Variants in NFIA observed in about 807,000 individuals in gnomAD.
NFIA encodes nuclear factor I A, also known as nuclear factor 1 A-type.
NFIA carries 8 observed loss-of-function variants against 62.8 expected under a neutral mutation model. The ratio of observed to expected loss-of-function variants is 0.13; its 90% CI spans 0.07 to 0.23. The LOEUF (loss-of-function observed/expected upper bound fraction) is 0.23. Among genes scored for constraint, NFIA ranks in the 10% least tolerant of loss-of-function variants. NFIA has a pLI of 1.00. For synonymous variants in NFIA, 235 were observed against 238.1 expected (o/e 0.99, Z 0.12); for missense variants, 410 against 642.1 (o/e 0.64, Z 3.91).
At chr1:61,366,188 CA>C (rs1183930799) in intron 6 of NFIA, among the ~76,000 whole-genome samples, 2 of 152,120 alleles carry the variant, frequency 1.3e-5, no homozygotes, top group Non-Finnish European at 2.9e-5. Flanking sequence ...CGATTTATAC[CA>C]GGGGTCCAGT....
At chr1:61,305,964 C>T (rs1217115903) in intron 3 of NFIA, among the ~76,000 whole-genome samples, 1 of 151,308 alleles carries the variant, frequency 6.6e-6, no homozygotes, top group Non-Finnish European at 1.5e-5. Flanking sequence ...TCTCCTGCAT[C>T]AGCCTCCCGA....
At chr1:61,200,019 T>C (rs1652325477) in intron 2 of NFIA, among the ~76,000 whole-genome samples, 1 of 9,066 alleles carries the variant, frequency 1.1e-4, no homozygotes, top group Non-Finnish European at 1.9e-4. Context: ...TGTATATATA[T>C]ATATATATAT....
chr1:61,358,812 T>G (rs1047964538), intron 5 of NFIA, among the ~76,000 whole-genome samples: 1 of 141,400 alleles, frequency 7.1e-6, no homozygotes, highest in East Asian at 2.2e-4. Flanking sequence ...CCTGTGGAGA[T>G]AGGAAATATG....
At chr1:61,104,506 GTTTAATTGGAGACC>G in intron 2 of NFIA, among the ~76,000 whole-genome samples, 1 of 152,042 alleles carries the variant, frequency 6.6e-6, no homozygotes, top group African/African-American at 2.4e-5. Context: ...AATCTTCTTT[GTTTAATTGGAGACC>G]TATTGATTGT....
intron 2 of NFIA, among the ~76,000 whole-genome samples, chr1:61,191,006 GATAA>G (rs903550085): frequency 2.7e-5 from 4 of 150,384 alleles, no homozygotes; most frequent in African/African-American, 7.3e-5. Flanking sequence ...ATAAATTAAA[GATAA>G]ATAAAGAAAC....
At chr1:61,152,917 C>T (rs866308419) in intron 2 of NFIA, among the ~76,000 whole-genome samples, 4 of 152,290 alleles carry the variant, frequency 2.6e-5, no homozygotes, top group African/African-American at 9.6e-5. Flanking sequence ...ATTTGTCTTT[C>T]TGGCCCTGGT....
At chr1:61,277,627 A>G (rs1221566110) in intron 3 of NFIA, 42 bp downstream of exon 3, 1 of 1,600,972 alleles carries the variant, frequency 6.2e-7, no homozygotes, top group South Asian at 1.1e-5. Context: ...TTCAGAGTCC[A>G]CAGCAGCCAG....
intron 9 of NFIA, among the ~76,000 whole-genome samples, chr1:61,410,329 C>G (rs1469676653): frequency 6.6e-6 from 1 of 152,122 alleles, no homozygotes; most frequent in Non-Finnish European, 1.5e-5. Flanking sequence ...TGGATTACCA[C>G]TAGATAAAAA....
At chr1:61,225,153 CAAA>C (rs575425464) in intron 2 of NFIA, among the ~76,000 whole-genome samples, 2 of 138,992 alleles carry the variant, frequency 1.4e-5, no homozygotes, top group Admixed American at 7.1e-5. Context: ...TTTTAAAAAA[CAAA>C]AAAAAAAGTC....
chr1:61,138,739 T>G (rs1404928179), intron 2 of NFIA, among the ~76,000 whole-genome samples: 1 of 151,798 alleles, frequency 6.6e-6, no homozygotes, highest in East Asian at 2.0e-4. Context: ...GCTACTGCAC[T>G]CAGACTAATT....
chr1:61,259,231 T>G (rs900563117), intron 2 of NFIA, among the ~76,000 whole-genome samples: 8 of 152,098 alleles, frequency 5.3e-5, no homozygotes, highest in African/African-American at 1.9e-4. Flanking sequence ...TTTAGGAATT[T>G]TAGCCTTAAT....
intron 6 of NFIA, among the ~76,000 whole-genome samples, chr1:61,381,861 A>G (rs1664432846): frequency 6.6e-6 from 1 of 152,220 alleles, no homozygotes; most frequent in Non-Finnish European, 1.5e-5. Context: ...GTGATCAGAA[A>G]TAACAGGGAC....
intron 4 of NFIA, among the ~76,000 whole-genome samples, chr1:61,349,956 T>C (rs1662460814): frequency 6.6e-6 from 1 of 152,032 alleles, no homozygotes; most frequent in Admixed American, 6.6e-5. Flanking sequence ...CTCCTTTCCA[T>C]CCTTTGAGTT....
intron 2 of NFIA, among the ~76,000 whole-genome samples, chr1:61,227,626 C>T (rs1008457612): frequency 1.3e-5 from 2 of 152,174 alleles, no homozygotes; most frequent in Admixed American, 1.3e-4. Flanking sequence ...CCCACTACTT[C>T]TCTAACCCCT....
intron 2 of NFIA, chr1:61,251,299 A>T (rs1656023001): frequency 6.6e-6 from 1 of 152,226 alleles, no homozygotes; most frequent in African/African-American, 2.4e-5. Context: ...TCGAAGTGGG[A>T]AAACTTAAGT....
intron 10 of NFIA, among the ~76,000 whole-genome samples, chr1:61,434,064 A>G (rs1016511460): frequency 2.6e-5 from 4 of 152,228 alleles, no homozygotes; most frequent in African/African-American, 9.6e-5. Flanking sequence ...AATTGGGCAC[A>G]GCTATTCTTC....
chr1:61,385,044 C>CA (rs1224040929), intron 7 of NFIA, among the ~76,000 whole-genome samples: 1 of 151,948 alleles, frequency 6.6e-6, no homozygotes, highest in African/African-American at 2.4e-5. Context: ...TCAGCCTGGC[C>CA]AACATGGTGA....
chr1:61,230,593 C>A (rs1411977891), intron 2 of NFIA, among the ~76,000 whole-genome samples: 1 of 152,168 alleles, frequency 6.6e-6, no homozygotes, highest in Non-Finnish European at 1.5e-5. Context: ...CTTTCCCAAT[C>A]ATCTATCCCT....
chr1:61,097,258 TGTGA>T (rs1646432775), intron 2 of NFIA, among the ~76,000 whole-genome samples: 2 of 152,290 alleles, frequency 1.3e-5, no homozygotes, highest in South Asian at 4.1e-4. Flanking sequence ...CCAAATAACT[TGTGA>T]GTTTCCAGAC....
Sources: gnomAD v4.1 joint callset for allele counts (sites outside exome capture counted in the v4.1 genomes callset) on GRCh38, gnomAD v4.1.1 for gene constraint, MANE v1.5 for transcripts, NCBI Gene and HGNC (gene_info 2026-07-23, HGNC 2026-07-21) for gene names.